Variants in MAGI2 observed in about 807,000 individuals in gnomAD.
The protein encoded by MAGI2 is membrane-associated guanylate kinase, WW and PDZ domain-containing protein 2.
Under a neutral mutation model 133.3 loss-of-function variants are expected in MAGI2, and 35 were observed. The ratio of observed to expected loss-of-function variants is 0.26; its 90% CI spans 0.20 to 0.35. The LOEUF (loss-of-function observed/expected upper bound fraction) is 0.35. Ranked by LOEUF, MAGI2 falls within the 10% of genes least tolerant of loss-of-function variation. The pLI, the probability that MAGI2 is intolerant of heterozygous loss-of-function variation, is 1.00. For synonymous variants in MAGI2, 729 were observed against 710.6 expected (o/e 1.03, Z -0.41); for missense variants, 1,636 against 1,863.4 (o/e 0.88, Z 2.25).
intron 6 of MAGI2, among the ~76,000 whole-genome samples, chr7:78,424,291 A>T (rs1371768395): frequency 6.6e-6 from 1 of 152,186 alleles, no homozygotes; most frequent in East Asian, 1.9e-4. Flanking sequence ...TTGAGCCTGC[A>T]GGTGCACAGA....
intron 12 of MAGI2, among the ~76,000 whole-genome samples, chr7:78,192,896 G>A (rs1237036500): frequency 6.6e-6 from 1 of 152,092 alleles, no homozygotes; most frequent in Non-Finnish European, 1.5e-5. Flanking sequence ...CCCACGGTGG[G>A]GTGAGGTGGG....
intron 10 of MAGI2, among the ~76,000 whole-genome samples, chr7:78,232,284 GAACA>G (rs1790058541): frequency 6.6e-6 from 1 of 152,136 alleles, no homozygotes; most frequent in African/African-American, 2.4e-5. Flanking sequence ...CTTAGTTTAT[GAACA>G]AATAGAATTT....
intron 1 of MAGI2, among the ~76,000 whole-genome samples, chr7:79,020,811 A>G (rs1464118448): frequency 6.6e-6 from 1 of 151,918 alleles, no homozygotes; most frequent in Non-Finnish European, 1.5e-5. Context: ...GCCAAATGTT[A>G]ATCGCCAAGA....
chr7:79,328,636 A>G (rs1466337902), intron 1 of MAGI2, among the ~76,000 whole-genome samples: 2 of 152,210 alleles, frequency 1.3e-5, no homozygotes, highest in Non-Finnish European at 2.9e-5. Flanking sequence ...CCTACTGCAT[A>G]ATAAGTGCTC....
Position 78,849,865 on chromosome 7 carries a change from T to C in MAGI2, c.418+157225A>G, listed in dbSNP as rs187311452. On this transcript the variant is annotated intron_variant, in intron 2 of 21. Coordinates refer to ENST00000354212, the MANE Select transcript of MAGI2 (RefSeq NM_012301.4). ...AGCAAGGATTAAAATTCTACCTAAG[T>C]AAATTTTTTTCTCATGGAAATACAA... Among the ~76,000 whole-genome samples, 76 of 152,178 alleles carry C rather than the reference T, an allele frequency of 5.0e-4. 1 individual carries two copies. Among genetic ancestry groups the C allele is most frequent in the Non-Finnish European group, 6.8e-4 (46 of 67,996 alleles).
At chr7:79,437,278 C>T (rs892621267) in intron 1 of MAGI2, among the ~76,000 whole-genome samples, 1 of 151,858 alleles carries the variant, frequency 6.6e-6, no homozygotes, top group Non-Finnish European at 1.5e-5. Context: ...TCAATAGTAC[C>T]TCAAACCTCA....
chr7:78,472,191 A>G (rs775157121), intron 6 of MAGI2, among the ~76,000 whole-genome samples: 1 of 152,080 alleles, frequency 6.6e-6, no homozygotes, highest in Non-Finnish European at 1.5e-5. Context: ...TGCTGCTATT[A>G]TGAATTTGCT....
chr7:78,392,391 T>G (rs112728878), intron 6 of MAGI2, among the ~76,000 whole-genome samples: 3 of 152,270 alleles, frequency 2.0e-5, no homozygotes, highest in African/African-American at 7.2e-5. Flanking sequence ...AGAGAGATAC[T>G]TTTGCAGAGA....
intron 2 of MAGI2, among the ~76,000 whole-genome samples, chr7:78,711,933 G>A (rs1228559288): frequency 1.3e-5 from 2 of 152,036 alleles, no homozygotes; most frequent in Non-Finnish European, 2.9e-5. Flanking sequence ...TAGAAATATG[G>A]CACCAACAAC....
At chr7:78,853,711 C>T (rs1239672669) in intron 2 of MAGI2, among the ~76,000 whole-genome samples, 1 of 151,936 alleles carries the variant, frequency 6.6e-6, no homozygotes, top group African/African-American at 2.4e-5. Flanking sequence ...ATCTTGCCTT[C>T]TAAAATGACT....
At chr7:78,110,462 G>T (rs950794600) in intron 20 of MAGI2, among the ~76,000 whole-genome samples, 1 of 152,156 alleles carries the variant, frequency 6.6e-6, no homozygotes, top group African/African-American at 2.4e-5. Flanking sequence ...CATCCAATAG[G>T]CAGTTGGAAA....
At chr7:78,262,182 A>G (rs761659907) in intron 9 of MAGI2, among the ~76,000 whole-genome samples, 1 of 152,184 alleles carries the variant, frequency 6.6e-6, no homozygotes, top group Admixed American at 6.6e-5. Flanking sequence ...TGCAGGTAGC[A>G]TTATTATATA....
At chr7:78,218,788 C>A (rs547308944) in intron 10 of MAGI2, among the ~76,000 whole-genome samples, 12 of 152,170 alleles carry the variant, frequency 7.9e-5, no homozygotes, top group Non-Finnish European at 1.6e-4. Context: ...GGCTCATTCT[C>A]AGCTTGGATT....
intron 2 of MAGI2, among the ~76,000 whole-genome samples, chr7:78,832,085 A>T (rs1563557446): frequency 6.6e-6 from 1 of 151,482 alleles, no homozygotes; most frequent in Non-Finnish European, 1.5e-5. Flanking sequence ...TTCTCTTGCT[A>T]TTTTTTTTAA....
rs191186965 is a variant in MAGI2, at chr7:78,770,474, T to A, written c.419-143235A>T. On this transcript the variant is annotated intron_variant, in intron 2 of 21. Transcript: ENST00000354212. ...TGAACTATTCTGACATTAGAAGAAA[T>A]GCCAAGTCAGCAGATATCTGCTGTT... Among the ~76,000 whole-genome samples the A allele has an allele frequency of 1.1e-4, 16 of 152,338 alleles. No individual in the cohort carries two copies. The East Asian group carries it at 3.1e-3, about 29-fold the overall frequency.
intron 10 of MAGI2, among the ~76,000 whole-genome samples, chr7:78,244,193 A>T: frequency 7.1e-6 from 1 of 140,274 alleles, no homozygotes; most frequent in African/African-American, 2.8e-5. Context: ...AAAAAAAAAA[A>T]GAAAAAGAAA....
chr7:78,593,141 T>A (rs1218657566), intron 3 of MAGI2, among the ~76,000 whole-genome samples: 1 of 151,166 alleles, frequency 6.6e-6, no homozygotes, highest in Non-Finnish European at 1.5e-5. Flanking sequence ...TTTTTCTTTC[T>A]TTTTTTTAAA....
At chr7:79,097,462 C>G (rs1013289) in intron 1 of MAGI2, among the ~76,000 whole-genome samples, 1 of 151,592 alleles carries the variant, frequency 6.6e-6, no homozygotes, top group Non-Finnish European at 1.5e-5. Context: ...AAGCTTCCTG[C>G]TGGAGGATCA....
At chr7:78,479,989 G>C (rs919228647) in intron 6 of MAGI2, among the ~76,000 whole-genome samples, 1 of 151,848 alleles carries the variant, frequency 6.6e-6, no homozygotes. Context: ...GTCAGTAACA[G>C]AGTGGATATA....
Sources: allele counts gnomAD v4.1 joint callset (sites outside exome capture counted in the v4.1 genomes callset), GRCh38; gene constraint gnomAD v4.1.1; transcripts MANE v1.5; gene names NCBI Gene and HGNC (gene_info 2026-07-23, HGNC 2026-07-21).